The following CDH2 variants were observed in gnomAD, a reference collection of about 807,000 sequenced individuals.
CDH2 encodes the protein cadherin 2, also known as cadherin-2.
Under a neutral mutation model 92.0 loss-of-function variants are expected in CDH2, and 17 were observed. The ratio of observed to expected loss-of-function variants is 0.18; its 90% confidence interval spans 0.13 to 0.28. CDH2 has a LOEUF of 0.28. Ranked by LOEUF, CDH2 falls within the 10% of genes least tolerant of loss-of-function variation. The pLI, the probability that CDH2 is intolerant of heterozygous loss-of-function variation, is 1.00. For missense variants in CDH2, 862 were observed against 1,133.1 expected (o/e 0.76, Z 3.44); for synonymous variants, 419 against 415.9 (o/e 1.01, Z -0.09).
At chr18:27,976,567 C>G (rs562289401) in intron 14 of CDH2, among the ~76,000 whole-genome samples, 1 of 152,314 alleles carries the variant, frequency 6.6e-6, no homozygotes, top group Admixed American at 6.5e-5. Flanking sequence ...TTTCTTTGCA[C>G]TGAGGCAGAC....
rs1378769671 is a variant in CDH2, at chr18:28,010,466, T to C, written c.547-594A>G. On this transcript the variant is annotated intron_variant, in intron 4 of 15. Transcript: ENST00000269141. ...ACAAAAGAAAGCATTTTAAAATATA[T>C]TTTTATGCTCGCAAACATTATATCA... 7.9e-5 allele frequency among the ~76,000 whole-genome samples: 12 copies of C among 152,138 alleles called. No individual in the cohort carries two copies. The South Asian group carries it at 1.4e-3, about 18-fold the overall frequency.
chr18:28,056,351 T>C (rs1372864809), intron 2 of CDH2, among the ~76,000 whole-genome samples: 1 of 152,132 alleles, frequency 6.6e-6, no homozygotes, highest in Non-Finnish European at 1.5e-5. Flanking sequence ...ACAAATAGGT[T>C]TTCTTGAAGT....
At chr18:27,996,621 C>T (rs2012590760) in intron 7 of CDH2, among the ~76,000 whole-genome samples, 1 of 152,142 alleles carries the variant, frequency 6.6e-6, no homozygotes, top group African/African-American at 2.4e-5. Context: ...AGTCGTATGT[C>T]TGTATCTGCC....
chr18:28,053,963 T>A (rs544118064), intron 2 of CDH2, among the ~76,000 whole-genome samples: 1 of 152,246 alleles, frequency 6.6e-6, no homozygotes, highest in South Asian at 2.1e-4. Context: ...CCTAACCTTT[T>A]AGGTTTCTGA....
intron 2 of CDH2, among the ~76,000 whole-genome samples, chr18:28,058,196 C>A (rs575457609): frequency 1.2e-4 from 18 of 152,308 alleles, no homozygotes; most frequent in African/African-American, 4.3e-4. Context: ...TCATGTATCA[C>A]CCATTCTTAT....
At chr18:28,125,535 G>A (rs1226463673) in intron 2 of CDH2, among the ~76,000 whole-genome samples, 2 of 151,986 alleles carry the variant, frequency 1.3e-5, no homozygotes, top group Non-Finnish European at 1.5e-5. Context: ...CTATGAGAAT[G>A]GACTTATCCA....
At chr18:28,002,405 T>G (rs1198717069) in intron 7 of CDH2, among the ~76,000 whole-genome samples, 1 of 152,218 alleles carries the variant, frequency 6.6e-6, no homozygotes, top group African/African-American at 2.4e-5. Context: ...TTCAACTAAA[T>G]GTTATTTCAG....
At chr18:28,078,332 A>C (rs1430307599) in intron 2 of CDH2, among the ~76,000 whole-genome samples, 2 of 152,154 alleles carry the variant, frequency 1.3e-5, no homozygotes, top group Non-Finnish European at 2.9e-5. Flanking sequence ...AGTGATGTAC[A>C]CATATAAACG....
At chr18:28,026,051 C>T (rs1349059622) in intron 2 of CDH2, among the ~76,000 whole-genome samples, 1 of 152,034 alleles carries the variant, frequency 6.6e-6, no homozygotes, top group Non-Finnish European at 1.5e-5. Flanking sequence ...GTGGGCCAGT[C>T]AATGCTTTAT....
chr18:27,976,717 A>G (rs1444922717), intron 14 of CDH2, among the ~76,000 whole-genome samples: 1 of 152,254 alleles, frequency 6.6e-6, no homozygotes, highest in African/African-American at 2.4e-5. Flanking sequence ...GGTACACCAA[A>G]TAACAGCTTT....
chr18:27,966,466 A>G (rs1282846387), intron 14 of CDH2, among the ~76,000 whole-genome samples: 1 of 152,170 alleles, frequency 6.6e-6, no homozygotes, highest in African/African-American at 2.4e-5. Context: ...TTCTACTCTG[A>G]CTTCTTCTAT....
At chr18:27,983,143 G>A in intron 13 of CDH2, 60 bp from the exon 14 acceptor site, 3 of 1,357,702 alleles carry the variant, frequency 2.2e-6, no homozygotes, top group South Asian at 1.3e-5. Context: ...GGCCTATTTA[G>A]TCACAGTATT....
Position 28,019,538 on chromosome 18 carries a change from T to C in CDH2, c.173-5629A>G, listed in dbSNP as rs573844304. ...TTGAGGGAGGAAAGAAGGAGGACTT[T>C]GCAAAAAACGCATTTGCAAAAAGTC... On this transcript the variant is annotated intron_variant, in intron 2 of 15. Coordinates refer to ENST00000269141, the MANE Select transcript of CDH2 (RefSeq NM_001792.5). 3.3e-5 allele frequency among the ~76,000 whole-genome samples: 5 copies of C among 151,972 alleles called. No individual in the cohort carries two copies. In the South Asian group the frequency reaches 8.3e-4, roughly 25 times the overall value.
intron 1 of CDH2, chr18:28,168,630 AT>A: frequency 2.0e-6 from 1 of 489,532 alleles, no homozygotes; most frequent in Non-Finnish European, 2.7e-6. Flanking sequence ...GATCAAAACT[AT>A]TAGAAGAACT....
intron 2 of CDH2, among the ~76,000 whole-genome samples, chr18:28,114,469 T>A (rs896658430): frequency 6.6e-6 from 1 of 152,098 alleles, no homozygotes; most frequent in Non-Finnish European, 1.5e-5. Context: ...CAGAAACATA[T>A]ATCCAATCGG....
intron 6 of CDH2, among the ~76,000 whole-genome samples, chr18:28,005,035 A>G (rs2012875643): frequency 6.6e-6 from 1 of 152,222 alleles, no homozygotes; most frequent in Admixed American, 6.5e-5. Context: ...AAACAAAAAT[A>G]CAATAGCTAA....
chr18:28,044,006 G>A (rs1214054305), intron 2 of CDH2, among the ~76,000 whole-genome samples: 2 of 145,312 alleles, frequency 1.4e-5, no homozygotes, highest in East Asian at 2.2e-4. Context: ...TCTGCCTCCC[G>A]GGTTCAAGCG....
Position 28,065,020 on chromosome 18 carries a change from A to G in CDH2, c.173-51111T>C, listed in dbSNP as rs1019000489. 3.3e-5 allele frequency among the ~76,000 whole-genome samples: 5 copies of G among 152,158 alleles called. No individual in the cohort carries two copies. The South Asian group carries it at 8.3e-4, about 25-fold the overall frequency. On this transcript the variant is annotated intron_variant, in intron 2 of 15. Coordinates refer to ENST00000269141, the MANE Select transcript of CDH2 (RefSeq NM_001792.5). ...TCCTTCCCCAAAGCTGCTTACCATCATAAGATTTCTCATGCCCAAGGAAGT... is the reference window on the plus strand; with the variant it reads ...TCCTTCCCCAAAGCTGCTTACCATCGTAAGATTTCTCATGCCCAAGGAAGT...
Position 28,176,975 on chromosome 18 carries a change from C to T in CDH2, c.48G>A (p.Ala16=). The change falls in exon 1 of 16, where the codon GCG becomes GCA. Residue 16 remains alanine, a synonymous_variant. Transcript: ENST00000269141. ...GACCGCCGCGTACCTGAAGCAGGGCCGCCAGCAGCGGCAGCAGGGTCCGCA... is the reference window on the plus strand; with the variant it reads ...GACCGCCGCGTACCTGAAGCAGGGCTGCCAGCAGCGGCAGCAGGGTCCGCA... ...GALRTLLPLL[A]ALLQASVEAS... The T allele has an allele frequency of 7.0e-7, 1 of 1,434,980 alleles. No homozygotes were observed. The highest frequency in any genetic ancestry group is 9.2e-7 in the Non-Finnish European group (1 of 1,092,870). The allele number at this position is 1,434,980 out of a possible 1,614,324, so 88.9% of individuals were successfully genotyped here.
Sources: gnomAD v4.1 joint callset for allele counts (sites outside exome capture counted in the v4.1 genomes callset) on GRCh38, gnomAD v4.1.1 for gene constraint, MANE v1.5 for transcripts, NCBI Gene and HGNC (gene_info 2026-07-23, HGNC 2026-07-21) for gene names.